Variants in CSTF3 observed in about 807,000 individuals in gnomAD.
CSTF3 encodes the protein CF-1 77 kDa subunit.
CSTF3 carries 29 observed loss-of-function variants against 105.8 expected under a neutral mutation model. The ratio of observed to expected loss-of-function variants is 0.27; its 90% confidence interval spans 0.20 to 0.37. The LOEUF is 0.37. Ranked by LOEUF, CSTF3 falls within the 10% of genes least tolerant of loss-of-function variation. The pLI, the probability that CSTF3 is intolerant of heterozygous loss-of-function variation, is 1.00. For missense variants in CSTF3, 357 were observed against 879.3 expected (o/e 0.41, Z 7.51); for synonymous variants, 252 against 281.9 (o/e 0.89, Z 1.06).
At chr11:33,096,039 CTG>C (rs1451307608) in intron 15 of CSTF3, among the ~76,000 whole-genome samples, 2 of 152,092 alleles carry the variant, frequency 1.3e-5, no homozygotes, top group East Asian at 3.9e-4. Flanking sequence ...ATAAACAACT[CTG>C]TGTCTCCTGA....
intron 1 of CSTF3, among the ~76,000 whole-genome samples, chr11:33,145,888 T>C (rs1383505733): frequency 6.6e-6 from 1 of 151,862 alleles, no homozygotes; most frequent in Non-Finnish European, 1.5e-5. Flanking sequence ...TAAATTGCAC[T>C]GGTGAGGGTA....
chr11:33,129,819 A>T (rs1855580533), intron 3 of CSTF3, among the ~76,000 whole-genome samples: 1 of 152,240 alleles, frequency 6.6e-6, no homozygotes, highest in South Asian at 2.1e-4. Flanking sequence ...AAAACACTTC[A>T]ATTGTGGGAT....
chr11:33,112,543 C>T (rs1439859723), intron 3 of CSTF3, among the ~76,000 whole-genome samples: 1 of 151,934 alleles, frequency 6.6e-6, no homozygotes, highest in East Asian at 1.9e-4. Flanking sequence ...CTATGTAAAC[C>T]AAGTAGCCAG....
chr11:33,144,007 T>C (rs1300797297), intron 1 of CSTF3, among the ~76,000 whole-genome samples: 1 of 152,102 alleles, frequency 6.6e-6, no homozygotes, highest in Non-Finnish European at 1.5e-5. Context: ...TTAATTTATA[T>C]GAAGTTTTGT....
At chr11:33,100,269 G>C (rs1005833969) in intron 10 of CSTF3, among the ~76,000 whole-genome samples, 1 of 151,660 alleles carries the variant, frequency 6.6e-6, no homozygotes, top group Non-Finnish European at 1.5e-5. Flanking sequence ...GCAGGAGAAT[G>C]GCATGAACCC....
intron 5 of CSTF3, among the ~76,000 whole-genome samples, chr11:33,106,733 T>TA (rs1201227586): frequency 1.3e-5 from 2 of 152,170 alleles, no homozygotes; most frequent in Non-Finnish European, 2.9e-5. Context: ...TTCCTTTATC[T>TA]ACTGCTTGTG....
chr11:33,129,579 C>G (rs940525681), intron 3 of CSTF3, among the ~76,000 whole-genome samples: 2 of 152,112 alleles, frequency 1.3e-5, no homozygotes, highest in South Asian at 4.1e-4. Flanking sequence ...CAGGCAAATA[C>G]GTCAGTAGGC....
intron 3 of CSTF3, among the ~76,000 whole-genome samples, chr11:33,110,658 G>T (rs1855370401): frequency 2.6e-5 from 4 of 152,148 alleles, no homozygotes. Flanking sequence ...TCCCAGAAAA[G>T]AAAATTTAAA....
At chr11:33,152,717 T>C (rs1178210503) in intron 1 of CSTF3, among the ~76,000 whole-genome samples, 4 of 152,102 alleles carry the variant, frequency 2.6e-5, no homozygotes, top group Non-Finnish European at 4.4e-5. Flanking sequence ...TCTCAGCACT[T>C]TGGGAGGCCG....
chr11:33,109,762 G>T (rs1327915815), intron 3 of CSTF3, among the ~76,000 whole-genome samples: 1 of 151,934 alleles, frequency 6.6e-6, no homozygotes, highest in Non-Finnish European at 1.5e-5. Context: ...ATATACTCAG[G>T]GCTTTTTTTA....
At chr11:33,104,335 G>A (rs1262852010) in intron 8 of CSTF3, among the ~76,000 whole-genome samples, 1 of 152,090 alleles carries the variant, frequency 6.6e-6, no homozygotes, top group African/African-American at 2.4e-5. Context: ...CAGAGGCTAC[G>A]TGACATTTAG....
rs1028280909 is a variant in CSTF3 at position 33,098,554 on chromosome 11, C to CCCA, written c.1128+133_1128+135dup. ...TTTCTATCTTAATTGTGGTGGGGAT[C>CCCA]CCATACTCAATGTTATTTGTCAAGA... On this transcript the variant is annotated intron_variant, in intron 13 of 20. Coordinates refer to ENST00000323959, the MANE Select transcript of CSTF3 (RefSeq NM_001326.3). 1.7e-4 allele frequency: 98 copies of CCCA among 563,758 alleles called. No homozygotes were observed. In the African/African-American group the frequency reaches 1.8e-3, roughly 10 times the overall value. The allele number at this position is 563,758 out of a possible 1,614,324, so 34.9% of individuals were successfully genotyped here.
At chr11:33,091,878 T>A (rs1855173434) in intron 16 of CSTF3, among the ~76,000 whole-genome samples, 1 of 152,106 alleles carries the variant, frequency 6.6e-6, no homozygotes, top group Non-Finnish European at 1.5e-5. Flanking sequence ...CACACCCAGC[T>A]AATTTTTAAC....
At chr11:33,102,009 T>C (rs572787208) in intron 10 of CSTF3, among the ~76,000 whole-genome samples, 168 bp downstream of exon 10, 5 of 152,244 alleles carry the variant, frequency 3.3e-5, no homozygotes, top group African/African-American at 1.2e-4. Context: ...AGACTGCATA[T>C]GATGAAAACA....
At chr11:33,118,911 A>C (rs936513750) in intron 3 of CSTF3, among the ~76,000 whole-genome samples, 4 of 151,878 alleles carry the variant, frequency 2.6e-5, no homozygotes, top group African/African-American at 7.2e-5. Flanking sequence ...CTATCATCTT[A>C]ATAAAAGTCC....
intron 15 of CSTF3, among the ~76,000 whole-genome samples, chr11:33,095,819 C>CAAAAAT (rs71034651): frequency 5.5e-5 from 8 of 146,042 alleles, no homozygotes; most frequent in Admixed American, 2.7e-4. Flanking sequence ...GACTCTGTCT[C>CAAAAAT]AAATAAATAA....
chr11:33,136,910 A>C (rs181276592), intron 3 of CSTF3, among the ~76,000 whole-genome samples: 213 of 151,908 alleles, frequency 1.4e-3, no homozygotes, highest in African/African-American at 5.1e-3. Context: ...TTATTCCATG[A>C]ATGTCTAGGA....
Position 33,088,564 on chromosome 11 carries a change from G to A in CSTF3, c.1642-1423C>T, listed in dbSNP as rs201204646. On this transcript the variant is annotated intron_variant, in intron 17 of 20. Coordinates refer to ENST00000323959, the MANE Select transcript of CSTF3 (RefSeq NM_001326.3). ...CAAAGTGCTGGGATTACAGGTGTGA[G>A]CCACCACACCTGGCCACTATAAGAT... 1.1e-4 allele frequency among the ~76,000 whole-genome samples: 16 copies of A among 152,112 alleles called. No homozygotes were observed. The East Asian group carries it at 2.9e-3, about 28-fold the overall frequency.
intron 3 of CSTF3, among the ~76,000 whole-genome samples, chr11:33,111,423 G>T (rs1214402099): frequency 1.3e-5 from 2 of 151,990 alleles, no homozygotes; most frequent in African/African-American, 4.8e-5. Flanking sequence ...ATTGCCACAA[G>T]ATCTTATTGA....
Sources: allele counts gnomAD v4.1 joint callset (sites outside exome capture counted in the v4.1 genomes callset), GRCh38; gene constraint gnomAD v4.1.1; transcripts MANE v1.5; gene names NCBI Gene and HGNC (gene_info 2026-07-23, HGNC 2026-07-21).